NTNG1: variants seen among roughly 807,000 people sequenced by gnomAD.
NTNG1 encodes netrin G1.
In NTNG1, 16 loss-of-function variants were observed where a neutral mutation model predicts 54.0. That is an observed-to-expected ratio of 0.30 (90% CI 0.20 to 0.45). The LOEUF is 0.45. Ranked by LOEUF, NTNG1 falls within the 20% of genes least tolerant of loss-of-function variation. The pLI is 1.00. For missense variants in NTNG1, 530 were observed against 678.7 expected (o/e 0.78, Z 2.43); for synonymous variants, 255 against 263.1 (o/e 0.97, Z 0.30).
At chr1:107,270,450 GAC>G (rs1205001870) in intron 2 of NTNG1, among the ~76,000 whole-genome samples, 1 of 152,114 alleles carries the variant, frequency 6.6e-6, no homozygotes, top group East Asian at 1.9e-4. Context: ...ACATCTCTAA[GAC>G]ACAGTTTTCT....
rs1206789699 is a variant in NTNG1, at chr1:107,456,269, C to A, written c.1390+19470C>A. On this transcript the variant is annotated intron_variant, in intron 7 of 7. Coordinates refer to ENST00000370068, the MANE Select transcript of NTNG1 (RefSeq NM_001113226.3). ...ATAGGAAGACTTGACACCCTTCAACCCTGGTCTGATAAGCCAAAGGCTCAC... is the reference window on the plus strand; with the variant it reads ...ATAGGAAGACTTGACACCCTTCAACACTGGTCTGATAAGCCAAAGGCTCAC... Among the ~76,000 whole-genome samples, 3 of 152,138 alleles carry A rather than the reference C, an allele frequency of 2.0e-5. No individual in the cohort carries two copies. The East Asian group carries it at 5.8e-4, about 29-fold the overall frequency.
At chr1:107,462,367 A>G (rs1490149683) in intron 7 of NTNG1, among the ~76,000 whole-genome samples, 1 of 152,220 alleles carries the variant, frequency 6.6e-6, no homozygotes, top group African/African-American at 2.4e-5. Context: ...GTGTGACCTT[A>G]GAGAGACTAT....
chr1:107,223,791 G>A (rs1386328938), intron 2 of NTNG1, among the ~76,000 whole-genome samples: 1 of 152,134 alleles, frequency 6.6e-6, no homozygotes, highest in African/African-American at 2.4e-5. Context: ...ATTTTTGCTT[G>A]CTCTTTAGAG....
intron 2 of NTNG1, among the ~76,000 whole-genome samples, chr1:107,152,654 T>C (rs756332317): frequency 1.3e-5 from 2 of 152,188 alleles, no homozygotes; most frequent in African/African-American, 2.4e-5. Flanking sequence ...AGTGCTGCTA[T>C]GGATTTCAGA....
At chr1:107,267,813 T>A in intron 2 of NTNG1, among the ~76,000 whole-genome samples, 1 of 152,208 alleles carries the variant, frequency 6.6e-6, no homozygotes, top group East Asian at 1.9e-4. Context: ...TAACATTGCA[T>A]TTCCTGTTTA....
intron 2 of NTNG1, among the ~76,000 whole-genome samples, chr1:107,324,026 G>A (rs1489652879): frequency 6.6e-6 from 1 of 151,878 alleles, no homozygotes; most frequent in Non-Finnish European, 1.5e-5. Context: ...CCACATTATG[G>A]GTCTAACACA....
intron 2 of NTNG1, among the ~76,000 whole-genome samples, chr1:107,310,371 G>T (rs1429584710): frequency 6.6e-6 from 1 of 152,058 alleles, no homozygotes; most frequent in African/African-American, 2.4e-5. Context: ...AGCTAATAGG[G>T]AAGAATCAGC....
At chr1:107,458,946 A>G (rs932619235) in intron 7 of NTNG1, among the ~76,000 whole-genome samples, 4 of 152,174 alleles carry the variant, frequency 2.6e-5, no homozygotes, top group Non-Finnish European at 5.9e-5. Context: ...TACTTCCTAC[A>G]ATCTCAGAAG....
chr1:107,226,229 G>A (rs1474949307), intron 2 of NTNG1, among the ~76,000 whole-genome samples: 7 of 152,034 alleles, frequency 4.6e-5, no homozygotes, highest in African/African-American at 1.7e-4. Context: ...ATGATGTCCC[G>A]GTGTACTCTT....
intron 2 of NTNG1, 147 bp downstream of exon 2, chr1:107,148,986 G>C: frequency 1.3e-6 from 1 of 782,774 alleles, no homozygotes. Context: ...TTCTTTCTCA[G>C]TGGAGGCTTA....
chr1:107,216,672 A>C (rs1055424096), intron 2 of NTNG1, among the ~76,000 whole-genome samples: 6 of 149,722 alleles, frequency 4.0e-5, no homozygotes, highest in Admixed American at 6.7e-5. Context: ...AGAATGATTT[A>C]AGGAGGATTC....
intron 2 of NTNG1, among the ~76,000 whole-genome samples, chr1:107,323,758 T>C (rs546405971): frequency 8.7e-6 from 1 of 114,744 alleles, no homozygotes; most frequent in South Asian, 3.7e-4. Flanking sequence ...CAGTTAAGTA[T>C]GACGGATTTC....
chr1:107,386,160 T>C (rs995036318), intron 3 of NTNG1, among the ~76,000 whole-genome samples: 1 of 108,394 alleles, frequency 9.2e-6, no homozygotes, highest in Non-Finnish European at 2.0e-5. Context: ...TATATATATA[T>C]ATATATTTTT....
chr1:107,295,078 T>G (rs991506096), intron 2 of NTNG1, among the ~76,000 whole-genome samples: 1 of 152,194 alleles, frequency 6.6e-6, no homozygotes, highest in African/African-American at 2.4e-5. Context: ...TTTTACACTG[T>G]GTTCAGTTTC....
chr1:107,269,605 G>A (rs989010253), intron 2 of NTNG1, among the ~76,000 whole-genome samples: 14 of 152,164 alleles, frequency 9.2e-5, no homozygotes, highest in Non-Finnish European at 1.9e-4. Context: ...CATGGAATGT[G>A]CTTAAGAAAA....
chr1:107,203,619 C>T (rs553492400), intron 2 of NTNG1, among the ~76,000 whole-genome samples: 13 of 150,926 alleles, frequency 8.6e-5, no homozygotes, highest in African/African-American at 3.1e-4. Context: ...TATAGCTATT[C>T]TTCATTCAGT....
chr1:107,291,752 G>A (rs1665618152), intron 2 of NTNG1, among the ~76,000 whole-genome samples: 1 of 152,108 alleles, frequency 6.6e-6, no homozygotes, highest in Non-Finnish European at 1.5e-5. Context: ...AGTTGGATGT[G>A]AATACATTTT....
At chr1:107,411,171 G>T (rs1191685616) in intron 5 of NTNG1, among the ~76,000 whole-genome samples, 1 of 126,732 alleles carries the variant, frequency 7.9e-6, no homozygotes, top group Non-Finnish European at 1.7e-5. Flanking sequence ...GAAGGTGTTT[G>T]GCTATTCCTC....
chr1:107,336,669 T>C (rs1668598386), intron 3 of NTNG1, among the ~76,000 whole-genome samples: 1 of 151,978 alleles, frequency 6.6e-6, no homozygotes, highest in South Asian at 2.1e-4. Context: ...AAGGACACTG[T>C]CAACAAAGTG....
Sources: allele counts gnomAD v4.1 joint callset (sites outside exome capture counted in the v4.1 genomes callset), GRCh38; gene constraint gnomAD v4.1.1; transcripts MANE v1.5; gene names NCBI Gene and HGNC (gene_info 2026-07-23, HGNC 2026-07-21).